The following TSC22D1 variants were observed in gnomAD, a reference collection of about 807,000 sequenced individuals.
TSC22D1 encodes the protein TSC22 domain family member 1.
Under a neutral mutation model 74.2 loss-of-function variants are expected in TSC22D1, and 9 were observed. That is an observed-to-expected ratio of 0.12 (90% CI 0.07 to 0.21). The LOEUF (loss-of-function observed/expected upper bound fraction) is 0.21. Ranked by LOEUF, TSC22D1 falls within the 10% of genes least tolerant of loss-of-function variation. TSC22D1 has a pLI of 1.00. For synonymous variants in TSC22D1, 586 were observed against 492.5 expected, an observed-to-expected ratio of 1.19 and a Z score of -2.51; for missense variants, 1,427 against 1,304.7, an observed-to-expected ratio of 1.09 and a Z score of -1.44.
chr13:44,476,254 T>C (rs1877904046), intron 1 of TSC22D1, among the ~76,000 whole-genome samples: 1 of 152,200 alleles, frequency 6.6e-6, no homozygotes, highest in African/African-American at 2.4e-5. Context: ...AATAGTTATA[T>C]AAGCTATATA....
rs1595071298 is a variant in TSC22D1 at position 44,434,062 on chromosome 13, G to A, written c.*564C>T. Reference sequence around the variant, plus strand: ...CATTTTGTCACTCTCATAGTTTTGTGTCATCCATTGTTTGAGAAGAAAGAG... The same window carrying A: ...CATTTTGTCACTCTCATAGTTTTGTATCATCCATTGTTTGAGAAGAAAGAG... On this transcript the variant is annotated 3_prime_UTR_variant, in exon 3 of 3. Transcript: ENST00000458659. The A allele has an allele frequency of 1.3e-6, 2 of 1,528,264 alleles. No homozygotes were observed. Among genetic ancestry groups the A allele is most frequent in the East Asian group, 2.4e-5 (1 of 40,820 alleles). The allele number at this position is 1,528,264 out of a possible 1,614,324, so 94.7% of individuals were successfully genotyped here.
intron 1 of TSC22D1, among the ~76,000 whole-genome samples, chr13:44,567,874 C>T (rs1256530388): frequency 6.6e-6 from 1 of 151,882 alleles, no homozygotes; most frequent in African/African-American, 2.4e-5. Flanking sequence ...TGAAAACAGA[C>T]CCACACAAAA....
Position 44,434,145 on chromosome 13 carries a change from ACT to A in TSC22D1, c.*479_*480del. The A allele has an allele frequency of 2.0e-6, 3 of 1,490,228 alleles. No individual in the cohort carries two copies. Among genetic ancestry groups the A allele is most frequent in the South Asian group, 1.3e-5 (1 of 75,930 alleles). The allele number at this position is 1,490,228 out of a possible 1,614,324, so 92.3% of individuals were successfully genotyped here. A position where few individuals can be genotyped will look rare whatever the true frequency, so the allele number is the denominator to read the frequency against. On this transcript the variant is annotated 3_prime_UTR_variant, in exon 3 of 3. Coordinates refer to ENST00000458659, the MANE Select transcript of TSC22D1 (RefSeq NM_183422.4). ...GACAGTTGTCAAATTTGTACAGTGAACTCTGTTCCCCCTCATTTTAGTCTTTT... is the reference window on the plus strand; with the variant it reads ...GACAGTTGTCAAATTTGTACAGTGAACTGTTCCCCCTCATTTTAGTCTTTT...
chr13:44,548,582 T>C lies in TSC22D1; in HGVS notation c.2912+24581A>G, dbSNP rs943624814. On this transcript the variant is annotated intron_variant, in intron 1 of 2. Transcript: ENST00000458659. ...TTCTATCAACCTAAGAAATAGGGAA[T>C]TTTACAAGACAGTAAAACTATGTAA... is the stretch of plus-strand genomic sequence containing the variant. 3.0e-4 allele frequency among the ~76,000 whole-genome samples: 46 copies of C among 152,292 alleles called. 1 individual carries two copies. The highest frequency in any genetic ancestry group is 1.1e-3 in the African/African-American group (46 of 41,552).
chr13:44,451,926 C>T (rs1420981839), intron 1 of TSC22D1, among the ~76,000 whole-genome samples: 1 of 152,194 alleles, frequency 6.6e-6, no homozygotes, highest in East Asian at 1.9e-4. Flanking sequence ...ACCAAGGGCT[C>T]CCTGGCAAGG....
At chr13:44,473,870 A>C (rs1206400041) in intron 1 of TSC22D1, among the ~76,000 whole-genome samples, 1 of 152,218 alleles carries the variant, frequency 6.6e-6, no homozygotes, top group Non-Finnish European at 1.5e-5. Flanking sequence ...ATTTTAAGCC[A>C]ATTTGTAATG....
chr13:44,561,577 T>C (rs1883041425), intron 1 of TSC22D1, among the ~76,000 whole-genome samples: 1 of 152,208 alleles, frequency 6.6e-6, no homozygotes, highest in African/African-American at 2.4e-5. Context: ...TGCTTAATGT[T>C]TTCTCTACTA....
rs187982281 is a variant in TSC22D1 at position 44,549,286 on chromosome 13, T to C, written c.2912+23877A>G. Among the ~76,000 whole-genome samples the C allele has an allele frequency of 3.8e-3, 578 of 152,304 alleles. 6 individuals carry two copies. Among genetic ancestry groups the C allele is most frequent in the African/African-American group, 0.013 (530 of 41,544 alleles). On this transcript the variant is annotated intron_variant, in intron 1 of 2. Transcript: ENST00000458659. Reference sequence around the variant, plus strand: ...TAGTTAAAACAGGGCGCTTTCCAATTCTTTATCAATAAAGTGGGGTAGGTT... The same window carrying C: ...TAGTTAAAACAGGGCGCTTTCCAATCCTTTATCAATAAAGTGGGGTAGGTT...
intron 1 of TSC22D1, among the ~76,000 whole-genome samples, chr13:44,499,026 G>A (rs1040245533): frequency 1.3e-5 from 2 of 152,038 alleles, no homozygotes; most frequent in African/African-American, 4.8e-5. Flanking sequence ...AATTAGTTTA[G>A]AAAATTTTTA....
chr13:44,456,078 G>A (rs376094009), intron 1 of TSC22D1, among the ~76,000 whole-genome samples: 2 of 152,142 alleles, frequency 1.3e-5, no homozygotes, highest in African/African-American at 4.8e-5. Flanking sequence ...TCTGGAATTG[G>A]TTCCTTCCCG....
At chr13:44,468,044 T>C (rs1877396028) in intron 1 of TSC22D1, among the ~76,000 whole-genome samples, 1 of 151,782 alleles carries the variant, frequency 6.6e-6, no homozygotes, top group Admixed American at 6.6e-5. Context: ...AGAACAGCCA[T>C]ATAAGAACAA....
At chr13:44,553,259 T>G (rs1882410034) in intron 1 of TSC22D1, among the ~76,000 whole-genome samples, 1 of 152,150 alleles carries the variant, frequency 6.6e-6, no homozygotes, top group Non-Finnish European at 1.5e-5. Flanking sequence ...TCAAAATGTA[T>G]CGGTCTTCAA....
intron 1 of TSC22D1, among the ~76,000 whole-genome samples, chr13:44,478,571 G>A (rs1054614676): frequency 2.0e-5 from 3 of 152,040 alleles, no homozygotes; most frequent in Non-Finnish European, 2.9e-5. Flanking sequence ...GTAAAATAAT[G>A]GGGTATTTGA....
Position 44,434,896 on chromosome 13 carries a change from C to T in TSC22D1, c.2965-13G>A. ...TTTTCACTAGATCCTGGAAAGAAGA[C>T]AGAAAAGGTTTAACTCATTATTTGG... On this transcript the variant is annotated splice_polypyrimidine_tract_variant and intron_variant, in intron 2 of 2. Coordinates refer to ENST00000458659, the MANE Select transcript of TSC22D1 (RefSeq NM_183422.4). 1 of 1,603,522 alleles carries T rather than the reference C, an allele frequency of 6.2e-7. No homozygotes were observed. Among genetic ancestry groups the T allele is most frequent in the Non-Finnish European group, 8.5e-7 (1 of 1,174,816 alleles).
At chr13:44,539,448 A>C in intron 1 of TSC22D1, 21 of 985,396 alleles carry the variant, frequency 2.1e-5, no homozygotes, top group Non-Finnish European at 2.5e-5. Flanking sequence ...CTTGAATATA[A>C]AAGAGCACTT....
At chr13:44,512,153 T>G (rs1291602599) in intron 1 of TSC22D1, among the ~76,000 whole-genome samples, 3 of 151,956 alleles carry the variant, frequency 2.0e-5, no homozygotes, top group Non-Finnish European at 2.9e-5. Context: ...TTATTTCTTT[T>G]TTTGTTTGTT....
At chr13:44,545,103 G>A (rs997043164) in intron 1 of TSC22D1, among the ~76,000 whole-genome samples, 1 of 152,140 alleles carries the variant, frequency 6.6e-6, no homozygotes, top group African/African-American at 2.4e-5. Context: ...GGGAGGCCAA[G>A]GTAGGCGGAT....
chr13:44,448,314 AAAC>A (rs1445943589), intron 1 of TSC22D1, among the ~76,000 whole-genome samples: 2 of 152,190 alleles, frequency 1.3e-5, no homozygotes, highest in Admixed American at 1.3e-4. Flanking sequence ...TTCCAGAAGA[AAAC>A]AACGATAAGC....
At chr13:44,514,644 G>A (rs1391669206) in intron 1 of TSC22D1, among the ~76,000 whole-genome samples, 1 of 152,176 alleles carries the variant, frequency 6.6e-6, no homozygotes, top group Admixed American at 6.5e-5. Flanking sequence ...CAGAACACTT[G>A]AGGTCAGGAG....
Sources: allele counts gnomAD v4.1 joint callset (sites outside exome capture counted in the v4.1 genomes callset), GRCh38; gene constraint gnomAD v4.1.1; transcripts MANE v1.5; gene names NCBI Gene and HGNC (gene_info 2026-07-23, HGNC 2026-07-21).